CADM2: variants seen among roughly 807,000 people sequenced by gnomAD.
The protein encoded by CADM2 is immunoglobulin superfamily member 4D.
A neutral mutation model predicts 49.8 loss-of-function variants in CADM2; 12 were observed. The observed-to-expected ratio is 0.24, with a 90% CI of 0.15 to 0.39. CADM2 has a LOEUF of 0.39. Among genes scored for constraint, CADM2 ranks in the 10% least tolerant of loss-of-function variants. CADM2 has a pLI of 1.00. For missense variants in CADM2, 378 were observed against 492.3 expected, an observed-to-expected ratio of 0.77 and a Z score of 2.20; for synonymous variants, 214 against 175.4, an observed-to-expected ratio of 1.22 and a Z score of -1.74.
intron 1 of CADM2, among the ~76,000 whole-genome samples, chr3:85,287,812 T>C (rs113983534): frequency 2.6e-5 from 4 of 152,084 alleles, no homozygotes; most frequent in African/African-American, 9.7e-5. Flanking sequence ...AGTCAATCAG[T>C]TGTAGCTTTT....
At chr3:85,722,187 C>T (rs2107770229) in intron 1 of CADM2, among the ~76,000 whole-genome samples, 1 of 152,176 alleles carries the variant, frequency 6.6e-6, no homozygotes, top group Non-Finnish European at 1.5e-5. Flanking sequence ...AGAGAGGAGA[C>T]CCTGGAGTGG....
chr3:85,314,177 C>T (rs983802713), intron 1 of CADM2, among the ~76,000 whole-genome samples: 11 of 152,126 alleles, frequency 7.2e-5, no homozygotes, highest in Admixed American at 6.5e-5. Context: ...CGTGAGCCAC[C>T]GCGCCCTGCC....
intron 1 of CADM2, among the ~76,000 whole-genome samples, chr3:85,523,998 G>A (rs2061095370): frequency 1.3e-5 from 2 of 152,082 alleles, no homozygotes; most frequent in African/African-American, 4.8e-5. Context: ...GACAGACCTT[G>A]TGAATGTCAA....
chr3:86,060,600 C>T (rs1022905462), intron 8 of CADM2, among the ~76,000 whole-genome samples: 1 of 151,990 alleles, frequency 6.6e-6, no homozygotes, highest in Non-Finnish European at 1.5e-5. Flanking sequence ...TTCCTTAAAC[C>T]TCTTTTTCCT....
At chr3:85,572,976 C>T (rs1391397526) in intron 1 of CADM2, among the ~76,000 whole-genome samples, 1 of 152,018 alleles carries the variant, frequency 6.6e-6, no homozygotes, top group Non-Finnish European at 1.5e-5. Context: ...CTAAAATTAA[C>T]ATTACACTGT....
chr3:85,160,322 A>G (rs757849280), intron 1 of CADM2, among the ~76,000 whole-genome samples: 2 of 152,056 alleles, frequency 1.3e-5, no homozygotes, highest in African/African-American at 2.4e-5. Context: ...TAACTCTTCA[A>G]TCTCTCTGTA....
At chr3:85,314,823 T>C (rs1380039901) in intron 1 of CADM2, among the ~76,000 whole-genome samples, 2 of 152,150 alleles carry the variant, frequency 1.3e-5, no homozygotes, top group African/African-American at 4.8e-5. Flanking sequence ...ACAAAGTAGA[T>C]AAATAAATAG....
intron 1 of CADM2, among the ~76,000 whole-genome samples, chr3:85,523,351 A>G (rs1410301103): frequency 1.3e-5 from 2 of 152,154 alleles, no homozygotes; most frequent in East Asian, 1.9e-4. Flanking sequence ...TGCATAAGCT[A>G]GGGCAAGATA....
At chr3:85,352,036 A>C (rs1422750821) in intron 1 of CADM2, among the ~76,000 whole-genome samples, 2 of 152,144 alleles carry the variant, frequency 1.3e-5, no homozygotes, top group East Asian at 3.9e-4. Flanking sequence ...GTTGACTTTG[A>C]GTATTTCCTT....
At chr3:85,999,266 A>AAG (rs1553720508) in intron 8 of CADM2, among the ~76,000 whole-genome samples, 3 of 104,396 alleles carry the variant, frequency 2.9e-5, no homozygotes, top group South Asian at 3.6e-4. Flanking sequence ...TGGGAGGCCG[A>AAG]GGGTTGGGGG....
chr3:86,025,507 A>T (rs759976350), intron 8 of CADM2, among the ~76,000 whole-genome samples: 7 of 152,280 alleles, frequency 4.6e-5, no homozygotes, highest in Admixed American at 2.0e-4. Flanking sequence ...ATCTTTATAC[A>T]AATGATTATT....
intron 1 of CADM2, among the ~76,000 whole-genome samples, chr3:85,117,976 C>T (rs551296176): frequency 3.9e-5 from 6 of 152,070 alleles, no homozygotes; most frequent in South Asian, 2.1e-4. Context: ...GTTTCCCATG[C>T]GTCCTACATT....
At chr3:85,660,283 T>A (rs1263825582) in intron 1 of CADM2, among the ~76,000 whole-genome samples, 1 of 152,150 alleles carries the variant, frequency 6.6e-6, no homozygotes, top group African/African-American at 2.4e-5. Context: ...ATATATTATG[T>A]TGTCAGTGGC....
chr3:85,747,576 T>G (rs1455594846), intron 2 of CADM2, among the ~76,000 whole-genome samples: 1 of 152,122 alleles, frequency 6.6e-6, no homozygotes, highest in Non-Finnish European at 1.5e-5. Context: ...TTGGCTGAGC[T>G]GCTTCAAGAA....
intron 8 of CADM2, chr3:85,994,384 G>T (rs938044439): frequency 1.3e-5 from 2 of 152,196 alleles, no homozygotes; most frequent in Non-Finnish European, 2.9e-5. Flanking sequence ...TTAAGAGAAT[G>T]CTGTGGCAGA....
At chr3:85,444,450 C>CAT (rs1273328078) in intron 1 of CADM2, among the ~76,000 whole-genome samples, 1 of 151,514 alleles carries the variant, frequency 6.6e-6, no homozygotes, top group East Asian at 1.9e-4. Context: ...CACTCACACA[C>CAT]ACACACACAC....
intron 3 of CADM2, among the ~76,000 whole-genome samples, chr3:85,837,168 A>G (rs2074448324): frequency 6.6e-6 from 1 of 151,610 alleles, no homozygotes; most frequent in Admixed American, 6.6e-5. Context: ...ACAAATTAAA[A>G]TCAGTATGGC....
intron 1 of CADM2, among the ~76,000 whole-genome samples, chr3:85,453,773 A>G (rs1239492193): frequency 6.6e-6 from 1 of 152,222 alleles, no homozygotes; most frequent in Non-Finnish European, 1.5e-5. Context: ...AAACTATGTT[A>G]AAGAGATTCA....
intron 1 of CADM2, among the ~76,000 whole-genome samples, chr3:85,097,818 T>C (rs971409070): frequency 1.3e-5 from 2 of 152,222 alleles, no homozygotes; most frequent in Non-Finnish European, 2.9e-5. Flanking sequence ...GGTTCTTTCA[T>C]TCATGTTGAC....
Sources: allele counts gnomAD v4.1 joint callset (sites outside exome capture counted in the v4.1 genomes callset), GRCh38; gene constraint gnomAD v4.1.1; transcripts MANE v1.5; gene names NCBI Gene and HGNC (gene_info 2026-07-23, HGNC 2026-07-21).